Variants in PARD3 observed in about 807,000 individuals in gnomAD.
The protein encoded by PARD3 is par-3 family cell polarity regulator.
PARD3 carries 75 observed loss-of-function variants against 155.4 expected under a neutral mutation model. That is an observed-to-expected ratio of 0.48 (90% CI 0.40 to 0.58). PARD3 has a LOEUF of 0.58. Ranked by LOEUF, PARD3 falls within the 20% of genes least tolerant of loss-of-function variation. The pLI is 0.00. For missense variants in PARD3, 1,642 were observed against 1,721.7 expected (o/e 0.95, Z 0.82); for synonymous variants, 576 against 610.5 (o/e 0.94, Z 0.83).
intron 2 of PARD3, among the ~76,000 whole-genome samples, chr10:34,652,350 G>A (rs2093038506): frequency 6.6e-6 from 1 of 152,162 alleles, no homozygotes; most frequent in African/African-American, 2.4e-5. Flanking sequence ...AAGAATAATG[G>A]CCCAAGAAGC....
chr10:34,257,230 G>C (rs1451401430), intron 22 of PARD3, among the ~76,000 whole-genome samples: 1 of 152,202 alleles, frequency 6.6e-6, no homozygotes, highest in Non-Finnish European at 1.5e-5. Context: ...AGTTGAAAAT[G>C]CATCTCACAA....
intron 15 of PARD3, chr10:34,343,244 C>A: frequency 1.3e-6 from 1 of 759,506 alleles, no homozygotes; most frequent in Non-Finnish European, 1.6e-6. Context: ...AATACTCACA[C>A]GGGCATAATT....
At chr10:34,115,386 G>A (rs941190433) in intron 24 of PARD3, among the ~76,000 whole-genome samples, 36 of 152,208 alleles carry the variant, frequency 2.4e-4, no homozygotes, top group African/African-American at 8.7e-4. Context: ...CTGTGACTAC[G>A]CACGCCTCTA....
intron 1 of PARD3, among the ~76,000 whole-genome samples, chr10:34,713,175 G>A (rs1301483778): frequency 2.0e-5 from 3 of 151,832 alleles, no homozygotes; most frequent in Admixed American, 1.3e-4. Flanking sequence ...TTGCACCACT[G>A]CACTCCAGCC....
At chr10:34,708,721 C>A (rs1048765739) in intron 1 of PARD3, among the ~76,000 whole-genome samples, 3 of 151,714 alleles carry the variant, frequency 2.0e-5, no homozygotes, top group African/African-American at 7.3e-5. Context: ...AAAAAAATAA[C>A]CTGGGGACTT....
chr10:34,666,796 A>AAAAAAAATATAT (rs1358640964), intron 2 of PARD3, among the ~76,000 whole-genome samples: 6 of 66,950 alleles, frequency 9.0e-5, no homozygotes, highest in Admixed American at 1.8e-4. Flanking sequence ...AAAAAAAAAA[A>AAAAAAAATATAT]ATATATATAT....
At chr10:34,551,960 C>T (rs1170251022) in intron 2 of PARD3, among the ~76,000 whole-genome samples, 1 of 152,204 alleles carries the variant, frequency 6.6e-6, no homozygotes, top group Non-Finnish European at 1.5e-5. Flanking sequence ...CTTGACCCTA[C>T]ACAAAAAAGT....
At chr10:34,575,777 TC>T (rs2086835625) in intron 2 of PARD3, among the ~76,000 whole-genome samples, 1 of 151,970 alleles carries the variant, frequency 6.6e-6, no homozygotes, top group South Asian at 2.1e-4. Context: ...GTGCCTGTAA[TC>T]CCAGCTACTC....
intron 22 of PARD3, among the ~76,000 whole-genome samples, chr10:34,179,547 C>G (rs1589036172): frequency 6.6e-6 from 1 of 152,130 alleles, no homozygotes; most frequent in East Asian, 1.9e-4. Flanking sequence ...CTGTAACAAT[C>G]CAAGATAAAT....
At chr10:34,221,495 T>C (rs1397065984) in intron 22 of PARD3, among the ~76,000 whole-genome samples, 1 of 151,780 alleles carries the variant, frequency 6.6e-6, no homozygotes, top group South Asian at 2.1e-4. Context: ...AATTAGCATA[T>C]GCATGACCTC....
intron 22 of PARD3, among the ~76,000 whole-genome samples, chr10:34,244,205 C>G (rs781093648): frequency 6.6e-6 from 1 of 152,092 alleles, no homozygotes; most frequent in Non-Finnish European, 1.5e-5. Context: ...TAGACAATGT[C>G]GAATTACCAG....
chr10:34,542,428 CA>C (rs2083709050), intron 2 of PARD3, among the ~76,000 whole-genome samples: 1 of 152,088 alleles, frequency 6.6e-6, no homozygotes, highest in Admixed American at 6.5e-5. Context: ...AGGGAAACTG[CA>C]AAACATCCTC....
chr10:34,514,226 G>A (rs933440606), intron 3 of PARD3, among the ~76,000 whole-genome samples: 1 of 152,128 alleles, frequency 6.6e-6, no homozygotes, highest in African/African-American at 2.4e-5. Context: ...ACAGGAAAGT[G>A]ACCACTCCTT....
intron 14 of PARD3, among the ~76,000 whole-genome samples, chr10:34,350,898 T>C (rs1400188778): frequency 6.6e-6 from 1 of 152,056 alleles, no homozygotes; most frequent in Non-Finnish European, 1.5e-5. Context: ...AGTGATACAG[T>C]CTTTTGCTAC....
intron 22 of PARD3, among the ~76,000 whole-genome samples, chr10:34,253,788 C>T (rs1325162208): frequency 6.6e-6 from 1 of 152,106 alleles, no homozygotes; most frequent in Admixed American, 6.5e-5. Flanking sequence ...TTAATATTTA[C>T]CAGGAAGATA....
chr10:34,332,894 G>A (rs1339722661), intron 18 of PARD3, among the ~76,000 whole-genome samples: 1 of 152,086 alleles, frequency 6.6e-6, no homozygotes, highest in Non-Finnish European at 1.5e-5. Flanking sequence ...TAAAAGTCAT[G>A]TCATGGGAAG....
At chr10:34,734,593 C>A (rs145168216) in intron 1 of PARD3, among the ~76,000 whole-genome samples, 1,676 of 151,868 alleles carry the variant, frequency 0.011, 28 homozygotes, top group African/African-American at 0.039. Flanking sequence ...CCACCTCGGC[C>A]CATATGGGGC....
chr10:34,195,462 A>T (rs1950894440), intron 22 of PARD3, among the ~76,000 whole-genome samples: 1 of 152,216 alleles, frequency 6.6e-6, no homozygotes, highest in Non-Finnish European at 1.5e-5. Context: ...GTAGTAACTG[A>T]CAACACACAG....
chr10:34,509,043 C>G (rs1027758471), intron 3 of PARD3, among the ~76,000 whole-genome samples: 6 of 152,166 alleles, frequency 3.9e-5, no homozygotes, highest in Non-Finnish European at 7.3e-5. Context: ...TTCCTGTACT[C>G]TTTCTGAAAT....
Sources: gnomAD v4.1 joint callset for allele counts (sites outside exome capture counted in the v4.1 genomes callset) on GRCh38, gnomAD v4.1.1 for gene constraint, MANE v1.5 for transcripts, NCBI Gene and HGNC (gene_info 2026-07-23, HGNC 2026-07-21) for gene names.